Variants in SLC44A2 observed in about 807,000 individuals in gnomAD.
SLC44A2 encodes the protein choline transporter-like protein 2.
In SLC44A2, 57 loss-of-function variants were observed where a neutral mutation model predicts 90.8. The observed-to-expected ratio is 0.63, with a 90% CI of 0.51 to 0.78. The LOEUF (loss-of-function observed/expected upper bound fraction) is 0.78, where lower values mean the gene tolerates loss of function less well. SLC44A2 is among the 30% of genes least tolerant of loss of function. SLC44A2 has a pLI of 0.00. For missense variants in SLC44A2, 794 were observed against 919.7 expected, an observed-to-expected ratio of 0.86 and a Z score of 1.77; for synonymous variants, 355 against 360.7, an observed-to-expected ratio of 0.98 and a Z score of 0.18.
chr19:10,634,874 C>T lies in SLC44A2; in HGVS notation c.942C>T (p.Thr314=), dbSNP rs756414417. 5 of 1,614,188 alleles carry T rather than the reference C, an allele frequency of 3.1e-6. No individual in the cohort carries two copies. Among genetic ancestry groups the T allele is most frequent in the Admixed American group, 1.7e-5 (1 of 60,020 alleles). Residue 314 remains threonine (T), a synonymous_variant, in exon 11 of 22, where the codon ACC becomes ACT. Transcript: ENST00000335757. ...GGGTGTACCTGCACTTACGGCAGAC[C>T]TGGTTGGCCTTTAGTGAGTCACAGT... is the stretch of plus-strand genomic sequence containing the variant. ...DFRVYLHLRQ[T]WLAFMIILSI...
At chr19:10,621,971 A>G (rs2066898130), upstream of SLC44A2, among the ~76,000 whole-genome samples, 1 of 152,158 alleles carries the variant, frequency 6.6e-6, no homozygotes, top group Non-Finnish European at 1.5e-5. Context: ...AGTGTTGCCC[A>G]GGCTGGTCTC....
At chr19:10,606,187 A>G (rs1918099674) in intron 1 of SLC44A2, among the ~76,000 whole-genome samples, 1 of 151,842 alleles carries the variant, frequency 6.6e-6, no homozygotes, top group Admixed American at 6.6e-5. Flanking sequence ...TATTCCAGCT[A>G]CTTGGGAGGC....
At chr19:10,625,801 C>A in intron 1 of SLC44A2, 131 bp downstream of exon 1, 1 of 803,126 alleles carries the variant, frequency 1.2e-6, no homozygotes, top group Non-Finnish European at 1.7e-6. Flanking sequence ...CTGGAGCCTC[C>A]CCACCATCAG....
upstream of SLC44A2, among the ~76,000 whole-genome samples, chr19:10,624,688 G>A (rs151153873): frequency 1.2e-4 from 19 of 152,338 alleles, no homozygotes; most frequent in African/African-American, 4.3e-4. Flanking sequence ...CCTTTGTTAA[G>A]TATCCTCTAG....
chr19:10,634,194 T>C (rs2067027892), intron 10 of SLC44A2, among the ~76,000 whole-genome samples: 1 of 141,750 alleles, frequency 7.1e-6, no homozygotes, highest in Non-Finnish European at 1.5e-5. Context: ...TTCACCATGT[T>C]GGTCAGGCTG....
intron 21 of SLC44A2, chr19:10,642,761 G>GT (rs940072746): frequency 1.2e-4 from 140 of 1,178,822 alleles, no homozygotes; most frequent in Non-Finnish European, 1.3e-4. Context: ...CTCTCCATCT[G>GT]TTTTTTTTGT....
intron 20 of SLC44A2, among the ~76,000 whole-genome samples, chr19:10,641,773 G>A (rs921829915): frequency 7.9e-5 from 12 of 152,030 alleles, no homozygotes; most frequent in African/African-American, 2.9e-4. Context: ...TTGAGCCCAG[G>A]AGGCAGAGGT....
chr19:10,643,020 G>A (rs986936729), intron 21 of SLC44A2: 2 of 1,539,418 alleles, frequency 1.3e-6, no homozygotes, highest in African/African-American at 1.4e-5. Context: ...GAGGAGTAGA[G>A]AGTGAGGGAG....
At chr19:10,608,226 GAA>G (rs71164103) in intron 1 of SLC44A2, among the ~76,000 whole-genome samples, 81 of 123,936 alleles carry the variant, frequency 6.5e-4, no homozygotes, top group Non-Finnish European at 6.2e-4. Context: ...CCGTCTCAAA[GAA>G]AAAAAAAAAA....
Position 10,627,782 on chromosome 19 carries a change from T to G in SLC44A2, c.147T>G (p.Ala49=). 1.2e-6 allele frequency: 2 copies of G among 1,614,088 alleles called. No homozygotes were observed. Among genetic ancestry groups the G allele is most frequent in the African/African-American group, 1.3e-5 (1 of 75,030 alleles). The change falls in exon 3 of 22, where the codon GCT becomes GCG. Residue 49 remains alanine (A), a synonymous_variant. Coordinates refer to ENST00000335757, the MANE Select transcript of SLC44A2 (RefSeq NM_020428.4). ...TCCTGGCCATTGTGGGCTACGTGGCTGTAGGCATCATAGGTGAGTAGAGAA... is the reference window on the plus strand; with the variant it reads ...TCCTGGCCATTGTGGGCTACGTGGCGGTAGGCATCATAGGTGAGTAGAGAA... The part of the protein sequence containing the change: ...FLLLAIVGYV[A]VGIIAWTHGD...
intron 1 of SLC44A2, among the ~76,000 whole-genome samples, chr19:10,610,148 G>T (rs947569917): frequency 5.3e-5 from 8 of 151,476 alleles, no homozygotes; most frequent in African/African-American, 1.9e-4. Context: ...GCCTGTTTTT[G>T]TAAGGCTAGT....
intron 1 of SLC44A2, among the ~76,000 whole-genome samples, chr19:10,605,424 G>A (rs1440130665): frequency 6.6e-6 from 1 of 152,166 alleles, no homozygotes; most frequent in African/African-American, 2.4e-5. Context: ...TGAGGCAGGA[G>A]AATCGCTTGA....
chr19:10,621,431 T>TG (rs1023634871), upstream of SLC44A2, among the ~76,000 whole-genome samples: 18 of 142,836 alleles, frequency 1.3e-4, no homozygotes, highest in Non-Finnish European at 2.3e-4. Flanking sequence ...TGTTTTTTTT[T>TG]TTTTTTTTTT....
chr19:10,624,633 G>A (rs2144836631), upstream of SLC44A2, among the ~76,000 whole-genome samples: 1 of 152,354 alleles, frequency 6.6e-6, no homozygotes, highest in South Asian at 2.1e-4. Flanking sequence ...TCATACTTTA[G>A]CCTCATTTTG....
intron 1 of SLC44A2, among the ~76,000 whole-genome samples, chr19:10,612,585 G>A (rs1361949467): frequency 6.6e-6 from 1 of 152,216 alleles, no homozygotes; most frequent in African/African-American, 2.4e-5. Context: ...GGAAGGCAGA[G>A]GCCAGTGGCT....
chr19:10,637,744 C>T lies in SLC44A2; in HGVS notation c.1692C>T (p.Ile564=), dbSNP rs770750664. 2.0e-5 allele frequency: 33 copies of T among 1,613,814 alleles called. No individual in the cohort carries two copies. Among genetic ancestry groups the T allele is most frequent in the Non-Finnish European group, 2.3e-5 (27 of 1,179,742 alleles). Residue 564 remains isoleucine (I), a synonymous_variant, in exon 17 of 22, where the codon ATC becomes ATT. Transcript: ENST00000335757. ...FIKFLNRNAY[I]MIAIYGTNFC... is the part of the protein sequence containing the mutation. The stretch of plus-strand genomic sequence containing the variant: ...AATTCCTTAATAGGAATGCCTACAT[C>T]ATGGTGAGTGGGCCTGGGACCCCCA...
intron 1 of SLC44A2, among the ~76,000 whole-genome samples, chr19:10,606,862 T>TAA (rs1370910685): frequency 1.9e-5 from 2 of 107,246 alleles, no homozygotes; most frequent in African/African-American, 6.5e-5. Context: ...CACATACACA[T>TAA]ATATATGTAT....
At chr19:10,609,585 C>T (rs1232435542) in intron 1 of SLC44A2, among the ~76,000 whole-genome samples, 2 of 152,096 alleles carry the variant, frequency 1.3e-5, no homozygotes, top group Non-Finnish European at 2.9e-5. Context: ...AAGGCAAGAG[C>T]CACTGTGCCT....
At chr19:10,628,036 G>A in intron 4 of SLC44A2, 32 bp downstream of exon 4, 1 of 1,560,766 alleles carries the variant, frequency 6.4e-7, no homozygotes, top group Non-Finnish European at 8.8e-7. Context: ...TGGTGGGGCT[G>A]GGGAAGAGGG....
Sources: gnomAD v4.1 joint callset for allele counts (sites outside exome capture counted in the v4.1 genomes callset) on GRCh38, gnomAD v4.1.1 for gene constraint, MANE v1.5 for transcripts, NCBI Gene and HGNC (gene_info 2026-07-23, HGNC 2026-07-21) for gene names.